Variants in NSMCE4A observed in about 807,000 individuals in gnomAD.
NSMCE4A encodes the protein NSE4A component of SMC5/6 complex.
In NSMCE4A, 40 loss-of-function variants were observed where a neutral mutation model predicts 47.9. That is an observed-to-expected ratio of 0.83 (90% CI 0.65 to 1.09). The LOEUF is 1.09. NSMCE4A is among the 50% of genes least tolerant of loss of function. NSMCE4A has a pLI of 0.00. For synonymous variants in NSMCE4A, 166 were observed against 178.5 expected (o/e 0.93, Z 0.56); for missense variants, 500 against 507.0 (o/e 0.99, Z 0.13).
At chr10:121,969,196 G>A (rs889835268) in intron 3 of NSMCE4A, among the ~76,000 whole-genome samples, 5 of 152,072 alleles carry the variant, frequency 3.3e-5, no homozygotes, top group African/African-American at 9.7e-5. Flanking sequence ...TTAGCCAGGC[G>A]TGGGGACAGG....
intron 1 of NSMCE4A, chr10:121,974,668 G>C: frequency 9.1e-7 from 1 of 1,096,552 alleles, no homozygotes; most frequent in Non-Finnish European, 1.1e-6. Flanking sequence ...GGGGACCCGC[G>C]CCAAGGTCGT....
intron 5 of NSMCE4A, among the ~76,000 whole-genome samples, chr10:121,964,600 CCTAG>C (rs1429608336): frequency 6.6e-6 from 1 of 152,010 alleles, no homozygotes; most frequent in African/African-American, 2.4e-5. Context: ...TGCCACCATA[CCTAG>C]CTAATTTCTG....
At chr10:121,962,109 T>TAAA in intron 6 of NSMCE4A, 12 of 294,400 alleles carry the variant, frequency 4.1e-5, no homozygotes, top group East Asian at 1.3e-4. Flanking sequence ...GACTGTCTCC[T>TAAA]AAAAAAAAAA....
At chr10:121,968,936 A>G (rs571537135) in intron 3 of NSMCE4A, among the ~76,000 whole-genome samples, 48 of 152,348 alleles carry the variant, frequency 3.2e-4, no homozygotes, top group African/African-American at 1.1e-3. Flanking sequence ...TAGTGTCTAT[A>G]TTTGATGCTA....
intron 10 of NSMCE4A, 91 bp from the exon 11 acceptor site, chr10:121,957,350 C>G (rs1564988092): frequency 6.6e-6 from 1 of 152,230 alleles, no homozygotes; most frequent in Non-Finnish European, 1.5e-5. Context: ...ACAATTAGCC[C>G]TCCTCAGTGA....
In NSMCE4A at chr10:121,974,026, C is replaced by T. The variant is rs1207993214; in HGVS notation, c.348G>A (p.Glu116=). The T allele has an allele frequency of 1.2e-6, 2 of 1,602,894 alleles. No homozygotes were observed. The highest frequency in any genetic ancestry group is 1.7e-6 in the Non-Finnish European group (2 of 1,172,652). ...AGDKLTEVLE[E]ANTLFNEVSR... The stretch of plus-strand genomic sequence containing the variant: ...TACCTTCATTAAACAGAGTGTTAGC[C>T]TCTTCAAGGACCTCTGTTAATTTGT... Residue 116 remains glutamate, a synonymous_variant, in exon 2 of 11, where the codon GAG becomes GAA. Transcript: ENST00000369023.
Position 121,970,964 on chromosome 10 carries a change from T to C in NSMCE4A, c.476A>G (p.Asp159Gly), listed in dbSNP as rs1952697224. 6.2e-7 allele frequency: 1 copy of C among 1,613,022 alleles called. No homozygotes were observed. Among genetic ancestry groups the C allele is most frequent in the African/African-American group, 1.3e-5 (1 of 74,874 alleles). Reference sequence around the variant, plus strand: ...TAGAGTTTCAACATATCTTAACATGTCAAAGGAGCTCAGGTCTGAGCGCAG... The same window carrying C: ...TAGAGTTTCAACATATCTTAACATGCCAAAGGAGCTCAGGTCTGAGCGCAG... Reference protein sequence around the residue: ...KQLRSDLSSFDMLRYVETLLT... With the variant: ...KQLRSDLSSFGMLRYVETLLT... The change falls in exon 3 of 11, where the codon GAC (aspartate) becomes GGC (glycine). Residue 159 changes from aspartate (D) to glycine (G), a missense_variant. Asp to Gly is a moderately conservative substitution (Grantham distance 94). Coordinates refer to ENST00000369023, the MANE Select transcript of NSMCE4A (RefSeq NM_017615.3).
Position 121,969,806 on chromosome 10 carries a change from C to G in NSMCE4A, c.501+1133G>C, listed in dbSNP as rs553602595. On this transcript the variant is annotated intron_variant, in intron 3 of 10. Transcript: ENST00000369023. ...TCTCGGCTCACTGCAACTTCTGCCT[C>G]CTGGGTTCAAGGGATTATCCTGCCT... Among the ~76,000 whole-genome samples the G allele has an allele frequency of 7.2e-4, 110 of 152,290 alleles. No individual in the cohort carries two copies. The Middle Eastern group carries it at 0.01, about 14-fold the overall frequency.
intron 4 of NSMCE4A, 143 bp downstream of exon 4, chr10:121,967,512 T>A (rs1952628851): frequency 1.1e-6 from 1 of 903,046 alleles, no homozygotes; most frequent in Non-Finnish European, 1.6e-6. Flanking sequence ...GTTTATGAAC[T>A]TTCATATCAA....
intron 4 of NSMCE4A, chr10:121,966,488 C>G (rs1280070698): frequency 6.6e-6 from 1 of 152,094 alleles, no homozygotes; most frequent in Non-Finnish European, 1.5e-5. Flanking sequence ...AGACTTTATC[C>G]TAAGATGAAG....
intron 2 of NSMCE4A, among the ~76,000 whole-genome samples, chr10:121,973,185 G>A (rs981666463): frequency 1.3e-5 from 2 of 150,454 alleles, no homozygotes; most frequent in African/African-American, 2.5e-5. Flanking sequence ...GCAGTGAGCC[G>A]AGATTGTGCT....
intron 4 of NSMCE4A, chr10:121,967,445 G>GCATC (rs1284295981): frequency 3.8e-6 from 2 of 526,926 alleles, no homozygotes; most frequent in Non-Finnish European, 3.3e-6. Flanking sequence ...TGATCTACCT[G>GCATC]CATCCACCTG....
chr10:121,974,014 C>G lies in NSMCE4A; in HGVS notation c.360G>C (p.Leu120=). 6.3e-7 allele frequency: 1 copy of G among 1,595,336 alleles called. No individual in the cohort carries two copies. The highest frequency in any genetic ancestry group is 8.6e-7 in the Non-Finnish European group (1 of 1,166,990). ...LTEVLEEANT[L]FNEVSRAREA... Reference sequence around the variant, plus strand: ...AAAATAACAAATTACCTTCATTAAACAGAGTGTTAGCCTCTTCAAGGACCT... The same window carrying G: ...AAAATAACAAATTACCTTCATTAAAGAGAGTGTTAGCCTCTTCAAGGACCT... Residue 120 remains leucine (L), a synonymous_variant, in exon 2 of 11, where the codon CTG becomes CTC. Transcript: ENST00000369023.
At position 121,974,927 on chromosome 10, in the gene NSMCE4A, C is replaced by A. The variant is rs778915534; in HGVS notation, c.239G>T (p.Gly80Val). Residue 80 changes from glycine to valine, a missense_variant, in exon 1 of 11, where the codon GGC becomes GTC. Transcript: ENST00000369023. ...PASLEAEADQ[G>V]LCRQIRHQYR... Reference sequence around the variant, plus strand: ...CTGATGGCGGATCTGGCGGCACAGGCCTTGGTCGGCCTCCGCCTCCAAGCT... The same window carrying A: ...CTGATGGCGGATCTGGCGGCACAGGACTTGGTCGGCCTCCGCCTCCAAGCT... 28 of 1,533,616 alleles carry A rather than the reference C, an allele frequency of 1.8e-5. No individual in the cohort carries two copies. In the Admixed American group the frequency reaches 2.6e-4, roughly 14 times the overall value.
intron 5 of NSMCE4A, 78 bp downstream of exon 5, chr10:121,965,208 G>C: frequency 1.0e-6 from 1 of 1,003,934 alleles, no homozygotes; most frequent in Non-Finnish European, 1.5e-6. Flanking sequence ...AGAAAAAATG[G>C]CCAAATTGCA....
intron 5 of NSMCE4A, among the ~76,000 whole-genome samples, chr10:121,964,209 C>T (rs1238129071): frequency 7.2e-6 from 1 of 138,322 alleles, no homozygotes; most frequent in African/African-American, 2.7e-5. Flanking sequence ...GTGGTGCCAT[C>T]TCGGCTCACT....
intron 6 of NSMCE4A, among the ~76,000 whole-genome samples, chr10:121,962,902 CTATT>C (rs1302853545): frequency 2.6e-5 from 4 of 152,066 alleles, no homozygotes; most frequent in East Asian, 1.9e-4. Context: ...CCAAAACAAA[CTATT>C]TAGGTAGGTG....
intron 5 of NSMCE4A, among the ~76,000 whole-genome samples, chr10:121,963,748 CA>C (rs1466612951): frequency 3.9e-4 from 59 of 152,038 alleles, no homozygotes; most frequent in Non-Finnish European, 6.0e-4. Flanking sequence ...GGTGTGGTGA[CA>C]GGCGCCTGTA....
intron 4 of NSMCE4A, chr10:121,966,230 C>T (rs1952604310): frequency 6.6e-6 from 1 of 152,212 alleles, no homozygotes; most frequent in Non-Finnish European, 1.5e-5. Flanking sequence ...TGATCCTACA[C>T]TGCTAACACC....
Sources: allele counts gnomAD v4.1 joint callset (sites outside exome capture counted in the v4.1 genomes callset), GRCh38; gene constraint gnomAD v4.1.1; transcripts MANE v1.5; gene names NCBI Gene and HGNC (gene_info 2026-07-23, HGNC 2026-07-21).